Variants in SLC9C2 observed in about 807,000 individuals in gnomAD.
SLC9C2 encodes the protein solute carrier family 9 member C2 (putative), also known as sodium/hydrogen exchanger 11.
In SLC9C2, 75 loss-of-function variants were observed where a neutral mutation model predicts 140.2. The ratio of observed to expected loss-of-function variants is 0.53; its 90% CI spans 0.44 to 0.65. The LOEUF (loss-of-function observed/expected upper bound fraction) is 0.65, where lower values mean the gene tolerates loss of function less well. Ranked by LOEUF, SLC9C2 falls within the 30% of genes least tolerant of loss-of-function variation. The pLI is 0.00. For missense variants in SLC9C2, 1,074 were observed against 1,331.8 expected (o/e 0.81, Z 3.01); for synonymous variants, 375 against 420.9 (o/e 0.89, Z 1.34).
At chr1:173,577,625 C>T (rs1413709605) in intron 7 of SLC9C2, among the ~76,000 whole-genome samples, 1 of 152,130 alleles carries the variant, frequency 6.6e-6, no homozygotes, top group African/African-American at 2.4e-5. Flanking sequence ...ACCTCACCTT[C>T]CTCCATTAGT....
At chr1:173,562,947 G>T (rs956079032) in intron 9 of SLC9C2, among the ~76,000 whole-genome samples, 1 of 151,918 alleles carries the variant, frequency 6.6e-6, no homozygotes, top group African/African-American at 2.4e-5. Flanking sequence ...ATACTTGCAG[G>T]GAGTGCTAAA....
At chr1:173,537,770 C>T (rs1662085232) in intron 13 of SLC9C2, among the ~76,000 whole-genome samples, 1 of 152,078 alleles carries the variant, frequency 6.6e-6, no homozygotes, top group Non-Finnish European at 1.5e-5. Flanking sequence ...TTCAGCCCCA[C>T]AAAGAACTAT....
At chr1:173,513,798 A>G (rs1158458314) in intron 23 of SLC9C2, among the ~76,000 whole-genome samples, 1 of 147,410 alleles carries the variant, frequency 6.8e-6, no homozygotes, top group Non-Finnish European at 1.5e-5. Context: ...TTAGTGCTAT[A>G]AATTTACCTC....
chr1:173,557,461 T>A lies in SLC9C2; in HGVS notation c.1094A>T (p.Tyr365Phe). Residue 365 changes from tyrosine to phenylalanine, a missense_variant, in exon 10 of 28, where the codon TAT becomes TTT. Tyr to Phe is a conservative substitution (Grantham distance 22). Transcript: ENST00000367714. The stretch of plus-strand genomic sequence containing the variant: ...AACTCCCCATCGCCAATTATATTCA[T>A]AATTTGAATGCATCAAAATAGGGCT... ...LVSPILMHSN[Y>F]EYNWRWGVVI... is the part of the protein sequence containing the mutation. The A allele has an allele frequency of 6.2e-7, 1 of 1,613,976 alleles. No individual in the cohort carries two copies. Among genetic ancestry groups the A allele is most frequent in the Non-Finnish European group, 8.5e-7 (1 of 1,179,926 alleles).
intron 4 of SLC9C2, among the ~76,000 whole-genome samples, chr1:173,597,436 C>G (rs1371358449): frequency 6.6e-6 from 1 of 151,518 alleles, no homozygotes; most frequent in African/African-American, 2.4e-5. Context: ...TTAGAAAGAA[C>G]AGAATAAAAC....
chr1:173,536,954 G>A lies in SLC9C2; in HGVS notation c.1643C>T (p.Ser548Phe), dbSNP rs1662008911. Residue 548 changes from serine to phenylalanine, a missense_variant, in exon 14 of 28, where the codon TCC (serine) becomes TTC (phenylalanine). Transcript: ENST00000367714. ...GTGTTATACTTACTTTCCTTGGATG[G>A]AGTAATAGCATTTTGCTGCACCAAT... ...ILIGAAKCYYSIQGKFMSIYD... is the reference protein window; with the variant it reads ...ILIGAAKCYYFIQGKFMSIYD... The A allele has an allele frequency of 1.2e-6, 2 of 1,612,220 alleles. No homozygotes were observed. The highest frequency in any genetic ancestry group is 1.7e-6 in the Non-Finnish European group (2 of 1,178,612).
intron 13 of SLC9C2, among the ~76,000 whole-genome samples, chr1:173,538,616 T>C (rs1358301734): frequency 6.6e-6 from 1 of 152,074 alleles, no homozygotes; most frequent in African/African-American, 2.4e-5. Flanking sequence ...GATGTAGAGA[T>C]GGGATCAGAG....
In SLC9C2 at chr1:173,505,298, T is replaced by C; in HGVS notation, c.3259A>G (p.Ile1087Val). The C allele has an allele frequency of 6.2e-7, 1 of 1,614,174 alleles. No individual in the cohort carries two copies. Among genetic ancestry groups the C allele is most frequent in the South Asian group, 1.1e-5 (1 of 91,076 alleles). The change falls in exon 26 of 28, where the codon ATA becomes GTA. Residue 1087 changes from isoleucine to valine, a missense_variant. Ile to Val is a conservative substitution (Grantham distance 29, BLOSUM62 3). Coordinates refer to ENST00000367714, the MANE Select transcript of SLC9C2 (RefSeq NM_178527.4). Reference protein sequence around the residue: ...QGTSDLSKLLIIQASELTQRN... With the variant: ...QGTSDLSKLLVIQASELTQRN... ...TGGGTAAGCTCAGATGCTTGGATTA[T>C]CAGCAGCTTGCTTAAATCAGAAGTT...
At chr1:173,544,160 GA>G (rs1025901077) in intron 13 of SLC9C2, among the ~76,000 whole-genome samples, 1 of 151,936 alleles carries the variant, frequency 6.6e-6, no homozygotes, top group Non-Finnish European at 1.5e-5. Context: ...AAATTTACAA[GA>G]AAAAAATCAA....
Position 173,598,052 on chromosome 1 carries a change from CA to C in SLC9C2, c.229-21del. ...GTGCACCTAAAGTAACAAAGGCAAACAAGAAATTAGTTTGCTACCATTTCCA... is the reference window on the plus strand; with the variant it reads ...GTGCACCTAAAGTAACAAAGGCAAACAGAAATTAGTTTGCTACCATTTCCA... On this transcript the variant is annotated intron_variant, in intron 3 of 27. Coordinates refer to ENST00000367714, the MANE Select transcript of SLC9C2 (RefSeq NM_178527.4). The C allele has an allele frequency of 1.3e-6, 2 of 1,564,774 alleles. No individual in the cohort carries two copies. The highest frequency in any genetic ancestry group is 1.7e-6 in the Non-Finnish European group (2 of 1,158,254).
At chr1:173,589,912 A>T (rs1666059699) in intron 4 of SLC9C2, among the ~76,000 whole-genome samples, 1 of 152,174 alleles carries the variant, frequency 6.6e-6, no homozygotes, top group South Asian at 2.1e-4. Flanking sequence ...ATCATGGAGA[A>T]TATGATGGAA....
intron 5 of SLC9C2, among the ~76,000 whole-genome samples, chr1:173,584,008 C>T (rs1277523873): frequency 6.6e-6 from 1 of 151,898 alleles, no homozygotes; most frequent in East Asian, 1.9e-4. Flanking sequence ...AGGTATATAC[C>T]CAAGGTAATT....
chr1:173,554,596 A>C (rs1032963911), intron 11 of SLC9C2, 137 bp downstream of exon 11: 1 of 658,112 alleles, frequency 1.5e-6, no homozygotes, highest in Non-Finnish European at 2.7e-6. Flanking sequence ...ACAGCATCTA[A>C]ATATATGAAT....
chr1:173,595,182 C>T (rs774775230), intron 4 of SLC9C2, among the ~76,000 whole-genome samples: 1 of 152,120 alleles, frequency 6.6e-6, no homozygotes, highest in African/African-American at 2.4e-5. Flanking sequence ...CTCAAGTAAT[C>T]CTAAATCCAG....
intron 4 of SLC9C2, among the ~76,000 whole-genome samples, chr1:173,590,675 C>A (rs896805658): frequency 6.6e-6 from 1 of 152,118 alleles, no homozygotes; most frequent in African/African-American, 2.4e-5. Flanking sequence ...TATATGAACA[C>A]AAGCACTGTG....
intron 23 of SLC9C2, 62 bp from the exon 24 acceptor site, chr1:173,509,761 A>C: frequency 1.3e-6 from 2 of 1,516,060 alleles, no homozygotes. Flanking sequence ...AAGACCATCA[A>C]AAAACAAGAT....
At chr1:173,554,890 C>G in intron 10 of SLC9C2, 76 bp from the exon 11 acceptor site, 1 of 869,984 alleles carries the variant, frequency 1.1e-6, no homozygotes, top group Non-Finnish European at 1.9e-6. Flanking sequence ...GTTCAATTAG[C>G]CACTTACAAA....
At chr1:173,510,367 G>A (rs1309697357) in intron 23 of SLC9C2, among the ~76,000 whole-genome samples, 3 of 152,098 alleles carry the variant, frequency 2.0e-5, no homozygotes, top group African/African-American at 4.8e-5. Context: ...TACAGAATGC[G>A]TAGGTTTGTT....
At chr1:173,535,722 C>T in intron 15 of SLC9C2, 108 bp downstream of exon 15, 1 of 1,287,800 alleles carries the variant, frequency 7.8e-7, no homozygotes, top group Non-Finnish European at 1.0e-6. Flanking sequence ...TGAAAATAAA[C>T]CATAATATAG....
Sources: allele counts gnomAD v4.1 joint callset (sites outside exome capture counted in the v4.1 genomes callset), GRCh38; gene constraint gnomAD v4.1.1; transcripts MANE v1.5; gene names NCBI Gene and HGNC (gene_info 2026-07-23, HGNC 2026-07-21).